The following CEP290 variants were observed in gnomAD, a reference collection of about 807,000 sequenced individuals.
The protein encoded by CEP290 is centrosomal protein of 290 kDa.
CEP290 carries 317 observed loss-of-function variants against 344.9 expected under a neutral mutation model. That is an observed-to-expected ratio of 0.92 (90% CI 0.84 to 1.01). The LOEUF (loss-of-function observed/expected upper bound fraction) is 1.01. CEP290 is among the 50% of genes least tolerant of loss of function. CEP290 has a pLI of 0.00. For synonymous variants in CEP290, 932 were observed against 895.8 expected, an observed-to-expected ratio of 1.04 and a Z score of -0.72; for missense variants, 2,754 against 2,761.4, an observed-to-expected ratio of 1.00 and a Z score of 0.06.
chr12:88,115,567 CATT>C, intron 18 of CEP290: 1 of 1,287,684 alleles, frequency 7.8e-7, no homozygotes, highest in Non-Finnish European at 1.0e-6. Context: ...GCTATGATTT[CATT>C]CTAAAGAAAA....
intron 44 of CEP290, among the ~76,000 whole-genome samples, chr12:88,066,251 A>G (rs1185345642): frequency 1.3e-5 from 2 of 152,198 alleles, no homozygotes; most frequent in African/African-American, 4.8e-5. Flanking sequence ...GTACGTACAT[A>G]AAAAGTCCAT....
chr12:88,052,108 A>AT (rs2033599219), intron 52 of CEP290, among the ~76,000 whole-genome samples: 1 of 152,372 alleles, frequency 6.6e-6, no homozygotes, highest in Admixed American at 6.5e-5. Flanking sequence ...GGCAATTAGC[A>AT]TAGTGTCTAG....
At position 88,050,377 on chromosome 12, in the gene CEP290, C is replaced by G; in HGVS notation, c.7186G>C (p.Asp2396His). The G allele has an allele frequency of 6.4e-7, 1 of 1,551,994 alleles. No individual in the cohort carries two copies. Residue 2396 changes from aspartate (D) to histidine (H), a missense_variant, in exon 53 of 54, where the codon GAT becomes CAT. Asp to His is a moderately conservative substitution (Grantham distance 81, BLOSUM62 -1). Transcript: ENST00000552810. ...ACCTTCAAATGCTGCTTTTCTAGAT[C>G]TGACATTTTGAGCTGTGTCTCTAGA... ...KDLETQLKMS[D>H]LEKQHLKEEI...
intron 32 of CEP290, among the ~76,000 whole-genome samples, chr12:88,087,054 T>C (rs540417635): frequency 6.6e-6 from 1 of 152,270 alleles, no homozygotes; most frequent in South Asian, 2.1e-4. Context: ...ACTGACAGTG[T>C]AAATACCAAA....
At position 88,139,477 on chromosome 12, in the gene CEP290, T is replaced by C; in HGVS notation, c.250+18A>G. 6.3e-7 allele frequency: 1 copy of C among 1,591,160 alleles called. No individual in the cohort carries two copies. The highest frequency in any genetic ancestry group is 8.6e-7 in the Non-Finnish European group (1 of 1,168,276). ...TTCATTATTTAATACCATAATAAACTTTTTCCAAGGTGCTTACCAAATTTT... is the reference window on the plus strand; with the variant it reads ...TTCATTATTTAATACCATAATAAACCTTTTCCAAGGTGCTTACCAAATTTT... On this transcript the variant is annotated intron_variant, in intron 4 of 53. Transcript: ENST00000552810.
chr12:88,086,191 G>A lies in CEP290; in HGVS notation c.4303-18C>T. ...TCTTCAAACTATTAAGAAATAGTAT[G>A]TTTTTTAAAAAAGCAGTTGCAGCAT... is the stretch of plus-strand genomic sequence containing the variant. On this transcript the variant is annotated intron_variant, in intron 33 of 53. Transcript: ENST00000552810. 3 of 1,598,914 alleles carry A rather than the reference G, an allele frequency of 1.9e-6. No individual in the cohort carries two copies. The highest frequency in any genetic ancestry group is 2.5e-6 in the Non-Finnish European group (3 of 1,176,590).
intron 15 of CEP290, among the ~76,000 whole-genome samples, chr12:88,119,572 G>A (rs528221245): frequency 1.3e-5 from 2 of 152,272 alleles, no homozygotes; most frequent in Non-Finnish European, 2.9e-5. Flanking sequence ...GCCAAGGCGG[G>A]TGGATCACTT....
rs1004217500 is a variant in CEP290 at position 88,121,086 on chromosome 12, C to T, written c.1270G>A (p.Glu424Lys). ...DILKEKTKEA[E>K]RTAELAEADA... Reference sequence around the variant, plus strand: ...GCCTCAGCCAGTTCAGCTGTTCTCTCAGCCTCTTTAGTTTTCTCTTTTAAA... The same window carrying T: ...GCCTCAGCCAGTTCAGCTGTTCTCTTAGCCTCTTTAGTTTTCTCTTTTAAA... Residue 424 changes from glutamate (E) to lysine (K), a missense_variant, in exon 14 of 54, where the codon GAG (glutamate) becomes AAG (lysine). Coordinates refer to ENST00000552810, the MANE Select transcript of CEP290 (RefSeq NM_025114.4). 3 of 1,613,304 alleles carry T rather than the reference C, an allele frequency of 1.9e-6. No homozygotes were observed. The highest frequency in any genetic ancestry group is 1.3e-5 in the African/African-American group (1 of 74,910).
chr12:88,079,220 G>A lies in CEP290; in HGVS notation c.5236C>T (p.Arg1746Trp), dbSNP rs774427529. 11 of 1,580,962 alleles carry A rather than the reference G, an allele frequency of 7.0e-6. No homozygotes were observed. Among genetic ancestry groups the A allele is most frequent in the African/African-American group, 6.9e-5 (5 of 72,542 alleles). ...LKEKQQKALSRALLELRAEMT... is the reference protein window; with the variant it reads ...LKEKQQKALSWALLELRAEMT... ...TCTGCCCGGAGTTCTAAAAGTGCCC[G>A]ACTAAGTGCCTAAAAATTAACCAAA... The change falls in exon 39 of 54, where the codon CGG becomes TGG. Residue 1746 changes from arginine to tryptophan, a missense_variant. By Grantham distance (101) the Arg-to-Trp change is moderately radical. Transcript: ENST00000552810.
intron 52 of CEP290, among the ~76,000 whole-genome samples, chr12:88,050,815 G>A (rs2468240): frequency 0.5 from 75,335 of 152,034 alleles, 20,908 homozygotes; most frequent in East Asian, 0.72. Context: ...AAATGCTCCC[G>A]CTATCCAACA....
intron 26 of CEP290, among the ~76,000 whole-genome samples, chr12:88,099,922 C>T (rs1344163091): frequency 1.1e-4 from 16 of 151,910 alleles, no homozygotes; most frequent in South Asian, 6.2e-4. Flanking sequence ...ATCTTCATCA[C>T]TCTCTCCCTA....
At chr12:88,110,578 G>C (rs1039219447) in intron 22 of CEP290, among the ~76,000 whole-genome samples, 1 of 152,010 alleles carries the variant, frequency 6.6e-6, no homozygotes, top group East Asian at 1.9e-4. Context: ...AGCCAGGGAT[G>C]CATGCCTGTA....
In CEP290 at chr12:88,060,968, TG is replaced by T; in HGVS notation, c.6383del (p.Pro2128GlnfsTer9). 1 of 1,560,968 alleles carries T rather than the reference TG, an allele frequency of 6.4e-7. No homozygotes were observed. Among genetic ancestry groups the T allele is most frequent in the Admixed American group, 1.9e-5 (1 of 51,680 alleles). ...TTAAACCAATGGTTTTTTCCAGTTC[TG>T]GGATTGTCTTTCCACTTCTACCAGA... Reference protein sequence around the residue: ...RGSGRSGKTIPELEKTIGLMK... With the variant: ...RGSGRSGKTIXELEKTIGLMK... On this transcript the variant is annotated frameshift_variant, in exon 47 of 54. Transcript: ENST00000552810. LOFTEE classifies it high-confidence loss of function.
At chr12:88,067,555 G>A (rs990466951) in intron 44 of CEP290, among the ~76,000 whole-genome samples, 7 of 152,038 alleles carry the variant, frequency 4.6e-5, no homozygotes, top group African/African-American at 1.4e-4. Flanking sequence ...CAGATTCTAC[G>A]GATCTATGTA....
chr12:88,135,403 A>G (rs556050978), intron 6 of CEP290, among the ~76,000 whole-genome samples: 9 of 152,310 alleles, frequency 5.9e-5, no homozygotes, highest in African/African-American at 1.7e-4. Flanking sequence ...ATAGAAGAAC[A>G]AAAGTCCAGA....
In CEP290 at chr12:88,129,895, C is replaced by T; in HGVS notation, c.670-19G>A. On this transcript the variant is annotated intron_variant, in intron 9 of 53. Transcript: ENST00000552810. ...TTAAAGTCTAAAAAAGTTAAAGACA[C>T]TATAATTAAAAAGTAATTTTAAAAA... 2 of 1,346,704 alleles carry T rather than the reference C, an allele frequency of 1.5e-6. No individual in the cohort carries two copies. Among genetic ancestry groups the T allele is most frequent in the Non-Finnish European group, 2.0e-6 (2 of 1,017,880 alleles). 83.4% of individuals were successfully genotyped at this position (1,346,704 alleles called of 1,614,324 possible). A position where few individuals can be genotyped will look rare whatever the true frequency, so the allele number is the denominator to read the frequency against.
At chr12:88,092,646 C>G (rs1417884474) in intron 29 of CEP290, 35 bp downstream of exon 29, 1 of 1,569,886 alleles carries the variant, frequency 6.4e-7, no homozygotes, top group Admixed American at 1.9e-5. Context: ...GAAGATACAT[C>G]TAGTCAAATG....
chr12:88,071,720 A>G, intron 42 of CEP290, 61 bp downstream of exon 42: 1 of 1,289,042 alleles, frequency 7.8e-7, no homozygotes, highest in South Asian at 1.5e-5. Flanking sequence ...AAAGCTATAT[A>G]ATTTCCAGGT....
chr12:88,089,268 G>T lies in CEP290; in HGVS notation c.3793C>A (p.Gln1265Lys), dbSNP rs747214849. The change falls in exon 31 of 54, where the codon CAA becomes AAA. Residue 1265 changes from glutamine to lysine, a missense_variant. Coordinates refer to ENST00000552810, the MANE Select transcript of CEP290 (RefSeq NM_025114.4). ...EGRNRAKHLR[Q>K]TIQSLRRQFS... is the part of the protein sequence containing the mutation. ...TGTCGTCGTAGAGACTGAATTGTTT[G>T]GCGCAGATGTTTTGCTCTGTTTCTT... The T allele has an allele frequency of 6.2e-7, 1 of 1,613,922 alleles. No homozygotes were observed. Among genetic ancestry groups the T allele is most frequent in the South Asian group, 1.1e-5 (1 of 91,072 alleles).
Sources: allele counts gnomAD v4.1 joint callset (sites outside exome capture counted in the v4.1 genomes callset), GRCh38; gene constraint gnomAD v4.1.1; transcripts MANE v1.5; gene names NCBI Gene and HGNC (gene_info 2026-07-23, HGNC 2026-07-21).